DAB1: variants seen among roughly 807,000 people sequenced by gnomAD.
The protein encoded by DAB1 is DAB adaptor protein 1.
DAB1 carries 15 observed loss-of-function variants against 64.6 expected under a neutral mutation model. The ratio of observed to expected loss-of-function variants is 0.23; its 90% CI spans 0.16 to 0.36. The LOEUF (loss-of-function observed/expected upper bound fraction) is 0.36. Ranked by LOEUF, DAB1 falls within the 10% of genes least tolerant of loss-of-function variation. The probability of loss-of-function intolerance (pLI) is 1.00; values close to 1 mark genes in which losing one functional copy is unlikely to be tolerated. For synonymous variants in DAB1, 235 were observed against 251.9 expected, an observed-to-expected ratio of 0.93 and a Z score of 0.64; for missense variants, 596 against 706.7, an observed-to-expected ratio of 0.84 and a Z score of 1.78.
chr1:58,325,436 A>C lies in DAB1; in HGVS notation n.309+17916T>G, dbSNP rs754956262. Among the ~76,000 whole-genome samples the C allele has an allele frequency of 7.9e-5, 12 of 152,238 alleles. No homozygotes were observed. The South Asian group carries it at 1.0e-3, about 13-fold the overall frequency. On this transcript the variant is annotated intron_variant and non_coding_transcript_variant, in intron 4 of 20. Coordinates refer to the DAB1 transcript ENST00000485760. ...AAACCAGGGGTTCCTCATCTTTAAG[A>C]ATATGCAATTTTCCATAGGCTTATT...
At chr1:57,194,475 T>C (rs985287540) in intron 2 of DAB1, among the ~76,000 whole-genome samples, 6 of 152,160 alleles carry the variant, frequency 3.9e-5, no homozygotes, top group African/African-American at 1.4e-4. Context: ...ATAAAAGAGT[T>C]TGATGATTGC....
At chr1:57,590,059 T>C (rs1645425748) in intron 7 of DAB1, among the ~76,000 whole-genome samples, 1 of 152,078 alleles carries the variant, frequency 6.6e-6, no homozygotes, top group Non-Finnish European at 1.5e-5. Flanking sequence ...ACTAAGTGGG[T>C]TAAACAACAA....
At position 58,497,340 on chromosome 1, in the gene DAB1, C is replaced by CAGGCCA. The variant is rs1396971918; in HGVS notation, n.257+8719_257+8720insTGGCCT. ...CCTAATTTAAACAGGCCAACTGTAACACTGCTGAGATACAGAAATCTGATG... is the reference window on the plus strand; with the variant it reads ...CCTAATTTAAACAGGCCAACTGTAACAGGCCAACTGCTGAGATACAGAAATCTGATG... On this transcript the variant is annotated intron_variant and non_coding_transcript_variant, in intron 3 of 20. Coordinates refer to the DAB1 transcript ENST00000485760. 6.6e-4 allele frequency among the ~76,000 whole-genome samples: 101 copies of CAGGCCA among 152,256 alleles called. 2 individuals are homozygous for CAGGCCA. In the East Asian group the frequency reaches 0.012, roughly 18 times the overall value.
At chr1:57,004,825 C>A (rs1239975839) in intron 14 of DAB1, among the ~76,000 whole-genome samples, 1 of 152,126 alleles carries the variant, frequency 6.6e-6, no homozygotes, top group Non-Finnish European at 1.5e-5. Flanking sequence ...TCCTAACTTC[C>A]GATATGAACT....
intron 5 of DAB1, among the ~76,000 whole-genome samples, chr1:58,115,897 A>G (rs563941022): frequency 3.7e-5 from 5 of 135,230 alleles, no homozygotes; most frequent in East Asian, 2.1e-4. Context: ...TAGATGACAC[A>G]TTAGTGGGTG....
intron 4 of DAB1, among the ~76,000 whole-genome samples, chr1:58,275,321 C>T (rs1361318534): frequency 6.6e-6 from 1 of 152,110 alleles, no homozygotes; most frequent in African/African-American, 2.4e-5. Flanking sequence ...AAGGTAAAAA[C>T]AGGTAAATTG....
chr1:57,870,299 C>T (rs902018537), intron 1 of DAB1, among the ~76,000 whole-genome samples: 2 of 152,150 alleles, frequency 1.3e-5, no homozygotes, highest in Admixed American at 1.3e-4. Flanking sequence ...AACACATCTT[C>T]AGCCTCATTC....
At chr1:57,406,678 T>G (rs1683667271) in intron 1 of DAB1, among the ~76,000 whole-genome samples, 1 of 152,216 alleles carries the variant, frequency 6.6e-6, no homozygotes, top group South Asian at 2.1e-4. Context: ...AGAGACCCAG[T>G]GCCCACAGCT....
chr1:57,077,563 C>T (rs578003396), intron 4 of DAB1, among the ~76,000 whole-genome samples: 1 of 152,310 alleles, frequency 6.6e-6, no homozygotes, highest in African/African-American at 2.4e-5. Flanking sequence ...AGGATTCATT[C>T]TGTGAACAGA....
chr1:57,928,909 A>C (rs569593498), intron 5 of DAB1, among the ~76,000 whole-genome samples: 1 of 152,290 alleles, frequency 6.6e-6, no homozygotes, highest in African/African-American at 2.4e-5. Context: ...TCCATGTGTA[A>C]GTTTTTGTGT....
intron 5 of DAB1, among the ~76,000 whole-genome samples, chr1:57,907,076 T>C (rs1644564195): frequency 1.3e-5 from 2 of 152,236 alleles, no homozygotes; most frequent in African/African-American, 4.8e-5. Context: ...TTAATAACAT[T>C]GTTTTATAAT....
chr1:57,170,179 G>A (rs1485298105), intron 2 of DAB1, among the ~76,000 whole-genome samples: 3 of 151,454 alleles, frequency 2.0e-5, no homozygotes, highest in Non-Finnish European at 4.4e-5. Flanking sequence ...TCACATTTTT[G>A]GTAGAGACAA....
intron 2 of DAB1, among the ~76,000 whole-genome samples, chr1:57,178,012 T>C (rs752855820): frequency 6.6e-6 from 1 of 152,132 alleles, no homozygotes; most frequent in African/African-American, 2.4e-5. Context: ...TTCTCATCTG[T>C]AAAATGGGGC....
intron 1 of DAB1, among the ~76,000 whole-genome samples, chr1:57,394,557 A>G (rs533932533): frequency 2.6e-5 from 4 of 152,344 alleles, no homozygotes; most frequent in African/African-American, 7.2e-5. Context: ...ATTCGCACAG[A>G]AGGAAATGCT....
intron 5 of DAB1, among the ~76,000 whole-genome samples, chr1:58,106,496 T>G (rs1651648917): frequency 6.6e-6 from 1 of 152,216 alleles, no homozygotes; most frequent in South Asian, 2.1e-4. Context: ...TGGTTTCCTA[T>G]TTAATCCCAA....
intron 6 of DAB1, among the ~76,000 whole-genome samples, chr1:57,734,970 A>G (rs1176071932): frequency 6.6e-6 from 1 of 152,240 alleles, no homozygotes; most frequent in Non-Finnish European, 1.5e-5. Flanking sequence ...AACTGCATAC[A>G]TTTAAATGCC....
At chr1:57,782,376 C>T (rs946448628) in intron 6 of DAB1, among the ~76,000 whole-genome samples, 6 of 152,176 alleles carry the variant, frequency 3.9e-5, no homozygotes, top group African/African-American at 1.2e-4. Flanking sequence ...ACTAGACATT[C>T]ATATCTGTGG....
At position 57,695,372 on chromosome 1, in the gene DAB1, GAAAGAAAGA is replaced by G. The variant is rs1277036385; in HGVS notation, n.552-45716_552-45708del. Among the ~76,000 whole-genome samples, 174 of 53,944 alleles carry G rather than the reference GAAAGAAAGA, an allele frequency of 3.2e-3. 1 individual carries two copies. Among genetic ancestry groups the G allele is most frequent in the South Asian group, 8.0e-3 (9 of 1,124 alleles). 35.4% of individuals were successfully genotyped at this position (53,944 alleles called of 152,430 possible). ...AGAAAGAAAAGAAAGAAGAAAGAAA[GAAAGAAAGA>G]AAGAAAGAAAGAAAGAAAGAAAGAA... On this transcript the variant is annotated intron_variant and non_coding_transcript_variant, in intron 6 of 20. Transcript: ENST00000485760.
intron 2 of DAB1, among the ~76,000 whole-genome samples, chr1:57,184,652 T>C (rs775169374): frequency 3.9e-5 from 6 of 152,146 alleles, no homozygotes; most frequent in Non-Finnish European, 8.8e-5. Context: ...TCCTCTCTCA[T>C]ACATGGTTTA....
Sources: allele counts gnomAD v4.1 joint callset (sites outside exome capture counted in the v4.1 genomes callset), GRCh38; gene constraint gnomAD v4.1.1; transcripts MANE v1.5; gene names NCBI Gene and HGNC (gene_info 2026-07-23, HGNC 2026-07-21).